ECRG4: variants seen among roughly 807,000 people sequenced by gnomAD.
ECRG4 encodes the protein ECRG4 augurin precursor.
ECRG4 carries 18 observed loss-of-function variants against 15.8 expected under a neutral mutation model. That is an observed-to-expected ratio of 1.14 (90% CI 0.79 to 1.69). The LOEUF (loss-of-function observed/expected upper bound fraction) is 1.69, where lower values mean the gene tolerates loss of function less well. Among genes scored for constraint, ECRG4 ranks in the 40% most tolerant of loss-of-function variants. The pLI is 0.00. For missense variants in ECRG4, 200 were observed against 190.9 expected, an observed-to-expected ratio of 1.05 and a Z score of -0.28; for synonymous variants, 82 against 73.9, an observed-to-expected ratio of 1.11 and a Z score of -0.56.
intron 1 of ECRG4, among the ~76,000 whole-genome samples, chr2:106,067,427 TATC>T (rs1229092961): frequency 1.3e-5 from 2 of 152,212 alleles, no homozygotes; most frequent in Non-Finnish European, 2.9e-5. Flanking sequence ...TCAGTTAAAA[TATC>T]ATCACCGAGC....
intron 2 of ECRG4, among the ~76,000 whole-genome samples, chr2:106,072,668 A>AG (rs888403575): frequency 1.3e-5 from 2 of 152,190 alleles, no homozygotes; most frequent in Non-Finnish European, 2.9e-5. Context: ...GTTGCTGCTC[A>AG]GGGGCCCTCC....
Position 106,071,903 on chromosome 2 carries a change from C to T in ECRG4, c.127+12C>T, listed in dbSNP as rs1676380401. ...TCAAAAACGAGAAGGTAAATATACC[C>T]CAAATGGATAAGGGATGCATTCTTA... On this transcript the variant is annotated intron_variant, in intron 2 of 3. Coordinates refer to ENST00000238044, the MANE Select transcript of ECRG4 (RefSeq NM_032411.3). 2 of 1,607,330 alleles carry T rather than the reference C, an allele frequency of 1.2e-6. No individual in the cohort carries two copies. Among genetic ancestry groups the T allele is most frequent in the Admixed American group, 3.3e-5 (2 of 59,968 alleles).
chr2:106,065,773 C>T lies in ECRG4; in HGVS notation c.9C>T (p.Ala3=), dbSNP rs1428218124. The T allele has an allele frequency of 6.7e-7, 1 of 1,482,786 alleles. No homozygotes were observed. The highest frequency in any genetic ancestry group is 8.9e-7 in the Non-Finnish European group (1 of 1,123,474). 91.9% of individuals were successfully genotyped at this position (1,482,786 alleles called of 1,614,324 possible). A position where few individuals can be genotyped will look rare whatever the true frequency, so the allele number is the denominator to read the frequency against. MA[A]SPARPAVLAL... The stretch of plus-strand genomic sequence containing the variant: ...GCTCGCGCCCCGCCGCCATGGCTGC[C>T]TCCCCCGCGCGGCCTGCTGTCCTGG... The change falls in exon 1 of 4, where the codon GCC becomes GCT. Residue 3 remains alanine, a synonymous_variant. Transcript: ENST00000238044.
At chr2:106,077,334 A>G (rs1331124532) in intron 3 of ECRG4, among the ~76,000 whole-genome samples, 5 of 152,226 alleles carry the variant, frequency 3.3e-5, no homozygotes, top group South Asian at 4.1e-4. Context: ...CTCAGGCAAC[A>G]TTTATTAAGC....
intron 1 of ECRG4, among the ~76,000 whole-genome samples, chr2:106,069,229 CTTCT>C (rs567895776): frequency 9.3e-5 from 11 of 118,724 alleles, no homozygotes; most frequent in East Asian, 2.3e-4. Flanking sequence ...TTCTTCTTTC[CTTCT>C]TTCTTTTCTT....
intron 1 of ECRG4, among the ~76,000 whole-genome samples, chr2:106,066,708 A>G (rs577528317): frequency 7.5e-4 from 114 of 152,266 alleles, no homozygotes; most frequent in African/African-American, 2.7e-3. Flanking sequence ...TCCCACTGCA[A>G]AGCAGCTGGG....
At chr2:106,072,478 T>G (rs1159380788) in intron 2 of ECRG4, 1 of 152,224 alleles carries the variant, frequency 6.6e-6, no homozygotes, top group African/African-American at 2.4e-5. Context: ...TCATTTTCCC[T>G]CTCCCAACTT....
upstream of ECRG4, among the ~76,000 whole-genome samples, chr2:106,063,632 G>T (rs1184933484): frequency 6.6e-6 from 1 of 152,160 alleles, no homozygotes; most frequent in African/African-American, 2.4e-5. Context: ...ACCCAGGCTG[G>T]AGTGCAGTGG....
Position 106,074,011 on chromosome 2 carries a change from C to G in ECRG4, c.253C>G (p.Gln85Glu). 6.2e-7 allele frequency: 1 copy of G among 1,613,698 alleles called. No homozygotes were observed. The highest frequency in any genetic ancestry group is 8.5e-7 in the Non-Finnish European group (1 of 1,180,044). ...TCGGCCCGAGGTGCAGCAGTGGTAC[C>G]AGCAGTTTCTCTACATGGGCTTTGA... ...RTRPEVQQWYQQFLYMGFDEA... is the reference protein window; with the variant it reads ...RTRPEVQQWYEQFLYMGFDEA... The change falls in exon 3 of 4, where the codon CAG (glutamine) becomes GAG (glutamate). Residue 85 changes from glutamine to glutamate, a missense_variant. Gln to Glu is a conservative substitution (Grantham distance 29). Transcript: ENST00000238044.
rs1558656803 is a variant in ECRG4 at position 106,071,375 on chromosome 2, A to AG, written c.80-469_80-468insG. ...AAAGAAAGAAAGAAAAGAAAAGAAA[A>AG]TAAAAAAAAAATAAAAATCTTGAGA... is the stretch of plus-strand genomic sequence containing the variant. On this transcript the variant is annotated intron_variant, in intron 1 of 3. Coordinates refer to ENST00000238044, the MANE Select transcript of ECRG4 (RefSeq NM_032411.3). Among the ~76,000 whole-genome samples, 246 of 147,988 alleles carry AG rather than the reference A, an allele frequency of 1.7e-3. 1 individual carries two copies. Among genetic ancestry groups the AG allele is most frequent in the Middle Eastern group, 0.01 (3 of 288 alleles).
At chr2:106,075,737 A>AAAG (rs375900720) in intron 3 of ECRG4, among the ~76,000 whole-genome samples, 93 of 152,174 alleles carry the variant, frequency 6.1e-4, no homozygotes, top group Admixed American at 1.6e-3. Flanking sequence ...AGAAAAAAAA[A>AAAG]AGAGAGTTTA....
intron 2 of ECRG4, chr2:106,072,485 AC>A (rs1426350589): frequency 6.6e-6 from 1 of 152,202 alleles, no homozygotes; most frequent in Non-Finnish European, 1.5e-5. Flanking sequence ...CCCTCTCCCA[AC>A]TTTCATCTCT....
chr2:106,066,689 C>G (rs908461004), intron 1 of ECRG4, among the ~76,000 whole-genome samples: 2 of 152,196 alleles, frequency 1.3e-5, no homozygotes, highest in African/African-American at 2.4e-5. Context: ...GAGCCTGAGA[C>G]TGGCGCTGTC....
At chr2:106,071,197 G>GTC (rs561310114) in intron 1 of ECRG4, among the ~76,000 whole-genome samples, 31 of 152,016 alleles carry the variant, frequency 2.0e-4, no homozygotes, top group Non-Finnish European at 3.8e-4. Context: ...GCCTGCCTCT[G>GTC]TCTTCACATG....
At chr2:106,070,567 A>G (rs964319872) in intron 1 of ECRG4, among the ~76,000 whole-genome samples, 2 of 152,236 alleles carry the variant, frequency 1.3e-5, no homozygotes, top group Admixed American at 1.3e-4. Context: ...TTATGGATAT[A>G]TTCTTCGCCC....
chr2:106,064,843 T>A (rs1157745286), upstream of ECRG4, among the ~76,000 whole-genome samples: 1 of 152,154 alleles, frequency 6.6e-6, no homozygotes, highest in African/African-American at 2.4e-5. Context: ...TCCGTTGGGA[T>A]AAAGTTGTTC....
chr2:106,075,171 T>C (rs1474629609), intron 3 of ECRG4, among the ~76,000 whole-genome samples: 1 of 152,242 alleles, frequency 6.6e-6, no homozygotes, highest in African/African-American at 2.4e-5. Context: ...GTTTGCCTTT[T>C]ACTTAGACCA....
chr2:106,065,536 T>G (rs992772756), upstream of ECRG4: 3 of 363,918 alleles, frequency 8.2e-6, no homozygotes, highest in Admixed American at 4.8e-5. Flanking sequence ...GCGTTCCCCT[T>G]GGGGCCGGGG....
chr2:106,063,356 T>G (rs1009846305), upstream of ECRG4: 2 of 152,194 alleles, frequency 1.3e-5, no homozygotes, highest in African/African-American at 4.8e-5. Context: ...CCATTTCTGT[T>G]GCTTATAAGC....
Sources: allele counts gnomAD v4.1 joint callset (sites outside exome capture counted in the v4.1 genomes callset), GRCh38; gene constraint gnomAD v4.1.1; transcripts MANE v1.5; gene names NCBI Gene and HGNC (gene_info 2026-07-23, HGNC 2026-07-21).